Variants in ALG6 observed in about 807,000 individuals in gnomAD.
ALG6 encodes the protein ALG6 alpha-1,3-glucosyltransferase.
A neutral mutation model predicts 66.6 loss-of-function variants in ALG6; 46 were observed. The ratio of observed to expected loss-of-function variants is 0.69; its 90% CI spans 0.55 to 0.88. The LOEUF is 0.88. Ranked by LOEUF, ALG6 falls within the 40% of genes least tolerant of loss-of-function variation. The pLI is 0.00. For missense variants in ALG6, 505 were observed against 586.8 expected (o/e 0.86, Z 1.44); for synonymous variants, 185 against 203.7 (o/e 0.91, Z 0.78).
At chr1:63,380,131 A>G (rs1648257176) in intron 2 of ALG6, among the ~76,000 whole-genome samples, 3 of 152,182 alleles carry the variant, frequency 2.0e-5, no homozygotes, top group Non-Finnish European at 4.4e-5. Flanking sequence ...GCATCTGGAG[A>G]GTTTGTTTTT....
chr1:63,382,664 T>C (rs1482749349), intron 2 of ALG6, among the ~76,000 whole-genome samples: 3 of 92,952 alleles, frequency 3.2e-5, no homozygotes, highest in African/African-American at 1.6e-4. Flanking sequence ...TGTTTTTTTT[T>C]GTTTTTTTTT....
In ALG6 at chr1:63,368,962, C is replaced by A. The variant is rs1219253959; in HGVS notation, c.-208+1275C>A. 2.6e-5 allele frequency among the ~76,000 whole-genome samples: 4 copies of A among 152,272 alleles called. No individual in the cohort carries two copies. In the South Asian group the frequency reaches 6.2e-4, roughly 24 times the overall value. ...ATTTCAGAACACCTCTCTGGGCACC[C>A]CTCCCAACCACCATCCCTTCTTTCC... On this transcript the variant is annotated intron_variant, in intron 1 of 14. Transcript: ENST00000263440.
intron 2 of ALG6, among the ~76,000 whole-genome samples, chr1:63,390,477 T>C (rs528697351): frequency 2.0e-5 from 3 of 152,038 alleles, no homozygotes; most frequent in South Asian, 4.2e-4. Context: ...GAGGGAGGGG[T>C]GATGCAAGCA....
At chr1:63,384,946 T>A (rs1367453664) in intron 2 of ALG6, among the ~76,000 whole-genome samples, 1 of 152,104 alleles carries the variant, frequency 6.6e-6, no homozygotes, top group African/African-American at 2.4e-5. Flanking sequence ...TTAGGATAGT[T>A]TTGACTATTT....
intron 7 of ALG6, among the ~76,000 whole-genome samples, chr1:63,410,308 G>T (rs1358967627): frequency 2.0e-5 from 3 of 152,142 alleles, no homozygotes; most frequent in African/African-American, 7.2e-5. Flanking sequence ...AAGCTGGAGT[G>T]CAGTGGCATG....
In ALG6 at chr1:63,411,963, G is replaced by A; in HGVS notation, c.718G>A (p.Ala240Thr). Residue 240 changes from alanine (A) to threonine (T), a missense_variant, in exon 9 of 15, where the codon GCT (alanine) becomes ACT (threonine). Coordinates refer to ENST00000263440, the MANE Select transcript of ALG6 (RefSeq NM_013339.4). ...LLVKLACIVV[A>T]SFVLCWLPFF... ...AGTTAAGCTAGCTTGTATTGTTGTG[G>A]CTTCCTTCGTTCTCTGCTGGCTGCC... 1.2e-6 allele frequency: 2 copies of A among 1,614,046 alleles called. No individual in the cohort carries two copies. The highest frequency in any genetic ancestry group is 1.7e-6 in the Non-Finnish European group (2 of 1,179,982).
At position 63,415,924 on chromosome 1, in the gene ALG6, T is replaced by C; in HGVS notation, c.954T>C (p.Leu318=). The change falls in exon 11 of 15, where the codon CTT becomes CTC. Residue 318 remains leucine (L), a synonymous_variant. Transcript: ENST00000263440. ...SLLPACIKLI[L]QPSSKGFKFT... ...TTCCTGCATGCATAAAATTAATACTTCAGCCCTCTTCCAAAGGATTCAAAT... is the reference window on the plus strand; with the variant it reads ...TTCCTGCATGCATAAAATTAATACTCCAGCCCTCTTCCAAAGGATTCAAAT... The C allele has an allele frequency of 1.2e-6, 2 of 1,612,348 alleles. No individual in the cohort carries two copies. Among genetic ancestry groups the C allele is most frequent in the Non-Finnish European group, 1.7e-6 (2 of 1,178,638 alleles).
intron 2 of ALG6, among the ~76,000 whole-genome samples, chr1:63,393,501 G>A (rs1648731491): frequency 6.6e-6 from 1 of 152,206 alleles, no homozygotes; most frequent in Non-Finnish European, 1.5e-5. Flanking sequence ...TGAGAAGTCA[G>A]TAGTTAGTGA....
intron 14 of ALG6, chr1:63,429,925 C>T (rs1385120801): frequency 6.6e-6 from 1 of 152,182 alleles, no homozygotes. Flanking sequence ...CTCTGTCACT[C>T]AGGCTAGAGT....
intron 12 of ALG6, among the ~76,000 whole-genome samples, chr1:63,424,164 G>A (rs866814101): frequency 6.6e-6 from 1 of 151,226 alleles, no homozygotes; most frequent in Non-Finnish European, 1.5e-5. Flanking sequence ...TTTTTGAGAC[G>A]GAGTCTCGCT....
chr1:63,406,235 A>G (rs1439472045), intron 5 of ALG6, 82 bp from the exon 6 acceptor site: 31 of 1,215,236 alleles, frequency 2.6e-5, no homozygotes, highest in African/African-American at 3.0e-5. Context: ...TGAATTCTCA[A>G]TGTTGGAGGA....
At chr1:63,393,005 C>G (rs1648716993) in intron 2 of ALG6, among the ~76,000 whole-genome samples, 1 of 152,154 alleles carries the variant, frequency 6.6e-6, no homozygotes, top group African/African-American at 2.4e-5. Context: ...TCCACATTGA[C>G]CACAAGTCTA....
chr1:63,404,576 A>G (rs2100415569), intron 5 of ALG6, 35 bp downstream of exon 5: 2 of 1,593,926 alleles, frequency 1.3e-6, no homozygotes, highest in Non-Finnish European at 1.7e-6. Flanking sequence ...ATAAAATTTG[A>G]TTTTTTAAAA....
Position 63,411,015 on chromosome 1 carries a change from T to C in ALG6, c.495-131T>C, listed in dbSNP as rs77776894. The C allele has an allele frequency of 3.6e-3, 3,149 of 865,458 alleles. 50 individuals carry two copies. The African/African-American group carries it at 0.048, about 13-fold the overall frequency. 53.6% of individuals were successfully genotyped at this position (865,458 alleles called of 1,614,324 possible). On this transcript the variant is annotated intron_variant, in intron 7 of 14. Coordinates refer to ENST00000263440, the MANE Select transcript of ALG6 (RefSeq NM_013339.4). ...TGGGAAATAGCTTTCATTGTATATGTTATTTTAAAATCACATAAGAGATAT... is the reference window on the plus strand; with the variant it reads ...TGGGAAATAGCTTTCATTGTATATGCTATTTTAAAATCACATAAGAGATAT...
intron 14 of ALG6, among the ~76,000 whole-genome samples, chr1:63,432,647 GAATA>G (rs571448084): frequency 4.2e-4 from 64 of 152,290 alleles, no homozygotes; most frequent in African/African-American, 7.7e-4. Context: ...TTGAATGAAT[GAATA>G]TTCATCTAAT....
intron 2 of ALG6, among the ~76,000 whole-genome samples, chr1:63,374,039 AC>A (rs752440828): frequency 6.6e-6 from 1 of 152,330 alleles, no homozygotes; most frequent in Non-Finnish European, 1.5e-5. Context: ...TTTAGTATTT[AC>A]CACAACCACT....
rs556785020 is a variant in ALG6, at chr1:63,413,259, A to G, written c.817-802A>G. Among the ~76,000 whole-genome samples, 10 of 152,308 alleles carry G rather than the reference A, an allele frequency of 6.6e-5. No homozygotes were observed. The East Asian group carries it at 1.5e-3, about 23-fold the overall frequency. ...TCTTTATATAAACTCTAACACTTAC[A>G]TAAAGAAAAGTTTAACTCTCTATGT... is the stretch of plus-strand genomic sequence containing the variant. On this transcript the variant is annotated intron_variant, in intron 9 of 14. Coordinates refer to ENST00000263440, the MANE Select transcript of ALG6 (RefSeq NM_013339.4).
chr1:63,379,402 C>T (rs1368027443), intron 2 of ALG6, among the ~76,000 whole-genome samples: 4 of 152,234 alleles, frequency 2.6e-5, no homozygotes, highest in Non-Finnish European at 4.4e-5. Context: ...TTTCGTTTTT[C>T]CTGTACTACC....
chr1:63,372,424 T>TA (rs1647959903), intron 2 of ALG6, among the ~76,000 whole-genome samples: 1 of 151,992 alleles, frequency 6.6e-6, no homozygotes, highest in Non-Finnish European at 1.5e-5. Flanking sequence ...TATACGAAGA[T>TA]ACATATATGG....
Sources: gnomAD v4.1 joint callset for allele counts (sites outside exome capture counted in the v4.1 genomes callset) on GRCh38, gnomAD v4.1.1 for gene constraint, MANE v1.5 for transcripts, NCBI Gene and HGNC (gene_info 2026-07-23, HGNC 2026-07-21) for gene names.